The following TTN variants were observed in gnomAD, a reference collection of about 807,000 sequenced individuals.
TTN encodes the protein titin.
In TTN, 1,525 loss-of-function variants were observed where a neutral mutation model predicts 3,223.0. The observed-to-expected ratio is 0.47, with a 90% CI of 0.45 to 0.49. The LOEUF is 0.49. Ranked by LOEUF, TTN falls within the 20% of genes least tolerant of loss-of-function variation. TTN has a pLI of 0.00. For missense variants in TTN, 40,786 were observed against 43,424.0 expected (o/e 0.94, Z 5.40); for synonymous variants, 14,094 against 15,161.0 (o/e 0.93, Z 5.17).
chr2:178,548,605 G>A lies in TTN; in HGVS notation c.93021C>T (p.Ile31007=). ...TGTCTAGCACTTTCACGGTGAATGT[G>A]ATTGACTTACTACCACTGTTGTTTT... is the stretch of plus-strand genomic sequence containing the variant. ...TVENNSGSKS[I]TFTVKVLDTP... The change falls in exon 339 of 363, where the codon ATC becomes ATT. Residue 31007 remains isoleucine, a synonymous_variant. Coordinates refer to ENST00000589042, the MANE Select transcript of TTN (RefSeq NM_001267550.2). This position sits in a 1 kb window ranked among gnomAD's most constrained non-coding sequence, Gnocchi z 4.3. 1 of 1,613,872 alleles carries A rather than the reference G, an allele frequency of 6.2e-7. No homozygotes were observed.
Position 178,536,275 on chromosome 2 carries a change from A to T in TTN, c.100472T>A (p.Val33491Asp), listed in dbSNP as rs1256515483. The T allele has an allele frequency of 1.2e-6, 2 of 1,613,720 alleles. No homozygotes were observed. The highest frequency in any genetic ancestry group is 2.7e-5 in the African/African-American group (2 of 75,044). ...TTTAAAGTGTGGTGCCTGAATTGGG[A>T]CATCAGATTTGGGAGTGATGGGTTC... ...ISEPITPKSD[V>D]PIQAPHFKEE... Residue 33491 changes from valine to aspartate, a missense_variant, in exon 357 of 363, where the codon GTC (valine) becomes GAC (aspartate). By Grantham distance (152) the Val-to-Asp change is radical. Transcript: ENST00000589042.
intron 100 of TTN, 37 bp from the exon 101 acceptor site, chr2:178,706,991 C>A (rs767885838): frequency 2.0e-5 from 31 of 1,545,756 alleles, no homozygotes; most frequent in South Asian, 6.0e-5. Flanking sequence ...ACTACAATCA[C>A]CTCAGAATTA....
chr2:178,558,735 G>T, intron 326 of TTN, 98 bp from the exon 327 acceptor site: 2 of 1,289,494 alleles, frequency 1.6e-6, no homozygotes, highest in Non-Finnish European at 2.1e-6. Flanking sequence ...TTAAATGAAG[G>T]CCATATTTTT....
In TTN at chr2:178,597,629, C is replaced by A. The variant is rs1362897659; in HGVS notation, c.57453G>T (p.Lys19151Asn). 1 of 1,613,200 alleles carries A rather than the reference C, an allele frequency of 6.2e-7. No individual in the cohort carries two copies. Among genetic ancestry groups the A allele is most frequent in the Non-Finnish European group, 8.5e-7 (1 of 1,179,524 alleles). Residue 19151 changes from lysine to asparagine, a missense_variant, in exon 294 of 363, where the codon AAG becomes AAT. By Grantham distance (94) the Lys-to-Asn change is moderately conservative. Coordinates refer to ENST00000589042, the MANE Select transcript of TTN (RefSeq NM_001267550.2). ...CGCCTTGATGGCTCCTCTGGCAGTT[C>A]TTGATGACCATGGATGAGCTAATGG... is the stretch of plus-strand genomic sequence containing the variant. The part of the protein sequence containing the change: ...TTAISSSMVI[K>N]NCQRSHQGVY...
intron 47 of TTN, among the ~76,000 whole-genome samples, chr2:178,752,746 TGACA>T (rs1182326212): frequency 1.3e-5 from 2 of 152,106 alleles, no homozygotes; most frequent in Non-Finnish European, 2.9e-5. Flanking sequence ...ATTCTGAGAA[TGACA>T]GCTAGGTTAT....
intron 361 of TTN, 88 bp downstream of exon 361, chr2:178,528,186 T>G (rs1687335988): frequency 7.0e-7 from 1 of 1,420,586 alleles, no homozygotes; most frequent in Admixed American, 2.3e-5. Flanking sequence ...TAATAAGGCT[T>G]CTTAGAGTTT....
chr2:178,574,414 C>T lies in TTN; in HGVS notation c.71718G>A (p.Met23906Ile). ...AYEFRVIAEN[M>I]AGKSKPSKPS... ...GCTTGCTTGGCTTACTTTTGCCTGCCATGTTTTCTGCAATCACCCGGAACT... is the reference window on the plus strand; with the variant it reads ...GCTTGCTTGGCTTACTTTTGCCTGCTATGTTTTCTGCAATCACCCGGAACT... The change falls in exon 326 of 363, where the codon ATG (methionine) becomes ATA (isoleucine). Residue 23906 changes from methionine (M) to isoleucine (I), a missense_variant. Met to Ile is a conservative substitution (Grantham distance 10, BLOSUM62 1). Transcript: ENST00000589042. The T allele has an allele frequency of 6.2e-7, 1 of 1,613,490 alleles. No homozygotes were observed. The highest frequency in any genetic ancestry group is 8.5e-7 in the Non-Finnish European group (1 of 1,179,622).
intron 294 of TTN, among the ~76,000 whole-genome samples, chr2:178,596,459 T>C (rs1412573930): frequency 6.6e-6 from 1 of 151,928 alleles, no homozygotes; most frequent in Non-Finnish European, 1.5e-5. Flanking sequence ...AGTGGCATAG[T>C]CAGTTTCTAT....
At chr2:178,708,294 C>G (rs1280382597) in intron 99 of TTN, among the ~76,000 whole-genome samples, 1 of 152,176 alleles carries the variant, frequency 6.6e-6, no homozygotes, top group Non-Finnish European at 1.5e-5. Flanking sequence ...GTGATTTTCT[C>G]TGATGTTCAT....
chr2:178,543,079 T>C lies in TTN; in HGVS notation c.96894A>G (p.Gln32298=). Residue 32298 remains glutamine, a synonymous_variant, in exon 347 of 363, where the codon CAA becomes CAG. Transcript: ENST00000589042. ...PRETVTAVTV[Q]DLRVLPTIDL... is the part of the protein sequence containing the mutation. The stretch of plus-strand genomic sequence containing the variant: ...CTATTTGGTACATACCTCTGAGGTC[T>C]TGTACAGTCACGGCTGTGACAGTCT... The C allele has an allele frequency of 1.3e-6, 2 of 1,590,522 alleles. No homozygotes were observed. Among genetic ancestry groups the C allele is most frequent in the South Asian group, 2.3e-5 (2 of 88,300 alleles).
intron 43 of TTN, among the ~76,000 whole-genome samples, chr2:178,763,200 G>C (rs138239349): frequency 1.2e-3 from 180 of 152,298 alleles, no homozygotes; most frequent in African/African-American, 3.9e-3. Flanking sequence ...GTTATGACTT[G>C]AAGTGGTTCC....
chr2:178,586,904 G>A, intron 307 of TTN, 97 bp from the exon 308 acceptor site: 4 of 1,490,984 alleles, frequency 2.7e-6, no homozygotes, highest in East Asian at 2.3e-5. Flanking sequence ...TTGCTCCAAT[G>A]TACATAGAAC....
intron 164 of TTN, 112 bp from the exon 165 acceptor site, chr2:178,665,572 A>G: frequency 7.4e-7 from 1 of 1,355,878 alleles, no homozygotes; most frequent in Non-Finnish European, 1.0e-6. Flanking sequence ...CCTTTAAAGA[A>G]TCTGAGGAGG....
rs1456939827 is a variant in TTN at position 178,607,638 on chromosome 2, T to C, written c.53050A>G (p.Ile17684Val). The change falls in exon 277 of 363, where the codon ATA (isoleucine) becomes GTA (valine). Residue 17684 changes from isoleucine to valine, a missense_variant. Ile to Val is a conservative substitution (Grantham distance 29, BLOSUM62 3). Coordinates refer to ENST00000589042, the MANE Select transcript of TTN (RefSeq NM_001267550.2). ...ATTCTAAGAGTCTTCCCAGCCATTA[T>C]TTGTATTCCACCCTTGACAGAAACA... ...LDVSVKGGIQ[I>V]MAGKTLRIPA... 13 of 1,612,970 alleles carry C rather than the reference T, an allele frequency of 8.1e-6. No individual in the cohort carries two copies. The East Asian group carries it at 2.9e-4, about 36-fold the overall frequency.
chr2:178,613,612 G>A, intron 263 of TTN, 139 bp downstream of exon 263: 1 of 819,780 alleles, frequency 1.2e-6, no homozygotes, highest in Non-Finnish European at 1.8e-6. Context: ...TTCAAATTAT[G>A]AGGTAATAGA....
At chr2:178,730,875 A>C in intron 60 of TTN, 50 bp downstream of exon 60, 1 of 1,537,608 alleles carries the variant, frequency 6.5e-7, no homozygotes, top group Non-Finnish European at 8.7e-7. Context: ...TTTTAAGGGA[A>C]GAAGGAGCAT....
In TTN at chr2:178,608,225, C is replaced by CCAGGTCCAGCTGCATTTT; in HGVS notation, c.52640_52657dup (p.Glu17547_Pro17552dup). The CCAGGTCCAGCTGCATTTT allele has an allele frequency of 6.2e-7, 1 of 1,605,634 alleles. No individual in the cohort carries two copies. Among genetic ancestry groups the CCAGGTCCAGCTGCATTTT allele is most frequent in the Non-Finnish European group, 8.5e-7 (1 of 1,175,290 alleles). On this transcript the variant is annotated inframe_insertion, in exon 275 of 363. Transcript: ENST00000589042. The stretch of plus-strand genomic sequence containing the variant: ...GGGATCTGAAGGTGGACTGAACTTT[C>CCAGGTCCAGCTGCATTTT]CAGGTCCAGCTGCATTTTCAGCACA...
In TTN at chr2:178,581,640, G is replaced by T. The variant is rs757047748; in HGVS notation, c.66628C>A (p.Gln22210Lys). Reference sequence around the variant, plus strand: ...TCAAAGCGGGTTTTCTGTAGATTCTGTGGTAAGTTGCACCTCACCCAGTTA... The same window carrying T: ...TCAAAGCGGGTTTTCTGTAGATTCTTTGGTAAGTTGCACCTCACCCAGTTA... The part of the protein sequence containing the change: ...SDNWVRCNLP[Q>K]NLQKTRFEVT... Residue 22210 changes from glutamine (Q) to lysine (K), a missense_variant, in exon 316 of 363, where the codon CAG becomes AAG. Physicochemically the swap from Gln to Lys is moderately conservative, Grantham distance 53. Transcript: ENST00000589042. The T allele has an allele frequency of 1.2e-6, 2 of 1,612,808 alleles. No homozygotes were observed. Among genetic ancestry groups the T allele is most frequent in the Non-Finnish European group, 1.7e-6 (2 of 1,179,266 alleles).
Position 178,526,432 on chromosome 2 carries a change from T to C in TTN, c.*580A>G, listed in dbSNP as rs903166141. The stretch of plus-strand genomic sequence containing the variant: ...TTACACTTTGCTCTGGTAATATTTG[T>C]CATGATAATTTTGTGTGACATCATC... On this transcript the variant is annotated 3_prime_UTR_variant, in exon 363 of 363. Transcript: ENST00000589042. 4 of 152,678 alleles carry C rather than the reference T, an allele frequency of 2.6e-5. No homozygotes were observed. The South Asian group carries it at 8.3e-4, about 32-fold the overall frequency. The allele number at this position is 152,678 out of a possible 1,614,324, so 9.5% of individuals were successfully genotyped here. A position where few individuals can be genotyped will look rare whatever the true frequency, so the allele number is the denominator to read the frequency against.
Sources: allele counts gnomAD v4.1 joint callset (sites outside exome capture counted in the v4.1 genomes callset), GRCh38; gene constraint gnomAD v4.1.1; non-coding constraint Gnocchi (gnomAD v3.1); transcripts MANE v1.5; gene names NCBI Gene and HGNC (gene_info 2026-07-23, HGNC 2026-07-21).